The following ZC3H7B variants were observed in gnomAD, a reference collection of about 807,000 sequenced individuals.
The protein encoded by ZC3H7B is zinc finger CCCH domain-containing protein 7B.
In ZC3H7B, 35 loss-of-function variants were observed where a neutral mutation model predicts 116.0. That is an observed-to-expected ratio of 0.30 (90% CI 0.23 to 0.40). The LOEUF (loss-of-function observed/expected upper bound fraction) is 0.40, where lower values mean the gene tolerates loss of function less well. Ranked by LOEUF, ZC3H7B falls within the 10% of genes least tolerant of loss-of-function variation. ZC3H7B has a pLI of 1.00. For missense variants in ZC3H7B, 1,011 were observed against 1,321.5 expected, an observed-to-expected ratio of 0.77 and a Z score of 3.64; for synonymous variants, 502 against 545.6, an observed-to-expected ratio of 0.92 and a Z score of 1.11.
At chr22:41,339,296 CA>C in intron 9 of ZC3H7B, 105 bp downstream of exon 9, 1 of 1,365,762 alleles carries the variant, frequency 7.3e-7, no homozygotes, top group Non-Finnish European at 9.8e-7. Flanking sequence ...TCATGTGTCT[CA>C]GGAGGAGGCC....
intron 6 of ZC3H7B, among the ~76,000 whole-genome samples, chr22:41,331,566 AAAAAAAAAAGAG>A (rs976837052): frequency 4.0e-5 from 6 of 151,262 alleles, no homozygotes; most frequent in Admixed American, 1.3e-4. Context: ...AAAAAAAAAA[AAAAAAAAAAGAG>A]AGAGCAAATG....
rs1409298667 is a variant in ZC3H7B, at chr22:41,342,484, A to G, written c.1198-45A>G. The G allele has an allele frequency of 3.8e-6, 6 of 1,591,348 alleles. No homozygotes were observed. The South Asian group carries it at 4.4e-5, about 12-fold the overall frequency. On this transcript the variant is annotated intron_variant, in intron 11 of 22. Coordinates refer to ENST00000352645, the MANE Select transcript of ZC3H7B (RefSeq NM_017590.6). ...TGCCCTGGCTGGCCCCAGTGGCCTC[A>G]GCCATCATCCAGTGCCCACAATGGC...
chr22:41,341,006 C>A, intron 10 of ZC3H7B, 82 bp from the exon 11 acceptor site: 2 of 1,376,828 alleles, frequency 1.5e-6, no homozygotes, highest in Non-Finnish European at 2.0e-6. Context: ...TCCGAGTCAG[C>A]AATACATAAG....
Position 41,351,414 on chromosome 22 carries a change from CCTTGT to C in ZC3H7B, c.1949-146_1949-142del. On this transcript the variant is annotated intron_variant, in intron 16 of 22. Coordinates refer to ENST00000352645, the MANE Select transcript of ZC3H7B (RefSeq NM_017590.6). The surrounding 1 kb of genome is among the most constrained non-coding windows in gnomAD (Gnocchi z 5.1). ...ATTTTGCAGATGGACAAAGTGGTTCCCTTGTACCCCATGTCTTACTGTGGCTGGGC... is the reference window on the plus strand; with the variant it reads ...ATTTTGCAGATGGACAAAGTGGTTCCACCCCATGTCTTACTGTGGCTGGGC... 1 of 645,164 alleles carries C rather than the reference CCTTGT, an allele frequency of 1.5e-6. No homozygotes were observed. Among genetic ancestry groups the C allele is most frequent in the Non-Finnish European group, 2.7e-6 (1 of 370,262 alleles). The allele number at this position is 645,164 out of a possible 1,614,324, so 40.0% of individuals were successfully genotyped here.
At chr22:41,340,202 G>T in intron 10 of ZC3H7B, 65 bp downstream of exon 10, 2 of 1,487,044 alleles carry the variant, frequency 1.3e-6, no homozygotes, top group Non-Finnish European at 1.8e-6. Flanking sequence ...GGCCTCTTTG[G>T]TGCCTGGAGA....
At chr22:41,325,460 C>G (rs899954115) in intron 2 of ZC3H7B, 104 bp from the exon 3 acceptor site, 3 of 1,473,432 alleles carry the variant, frequency 2.0e-6, no homozygotes, top group Non-Finnish European at 1.9e-6. Context: ...TCACCCTAGT[C>G]CACAAGGTGA....
chr22:41,339,717 G>A lies in ZC3H7B; in HGVS notation c.817-99G>A, dbSNP rs183110888. 1.7e-5 allele frequency: 20 copies of A among 1,161,148 alleles called. No individual in the cohort carries two copies. In the Admixed American group the frequency reaches 1.9e-4, roughly 11 times the overall value. 71.9% of individuals were successfully genotyped at this position (1,161,148 alleles called of 1,614,324 possible). On this transcript the variant is annotated intron_variant, in intron 9 of 22. Coordinates refer to ENST00000352645, the MANE Select transcript of ZC3H7B (RefSeq NM_017590.6). ...CACATGGGACAGGATGAAGCCAGGC[G>A]ACAGGGTGCAGGTCTCCTTGCTTCC...
chr22:41,354,600 C>T (rs1022071877), intron 17 of ZC3H7B, among the ~76,000 whole-genome samples: 5 of 151,970 alleles, frequency 3.3e-5, no homozygotes, highest in African/African-American at 9.7e-5. Flanking sequence ...CCTGGGAAGA[C>T]GGGGAGGCTT....
intron 1 of ZC3H7B, among the ~76,000 whole-genome samples, chr22:41,316,835 C>T (rs889389326): frequency 6.6e-6 from 1 of 151,550 alleles, no homozygotes; most frequent in Non-Finnish European, 1.5e-5. Context: ...CCACCATGCC[C>T]AGCTAATTTT....
In ZC3H7B at chr22:41,320,055, G is replaced by C. The variant is rs1380004830; in HGVS notation, c.-6-600G>C. The stretch of plus-strand genomic sequence containing the variant: ...CAAAAAAAAAAAAAAATGGGGGGCC[G>C]GGCATAGTGACTCATGCCTGTCATC... On this transcript the variant is annotated intron_variant, in intron 1 of 22. Coordinates refer to ENST00000352645, the MANE Select transcript of ZC3H7B (RefSeq NM_017590.6). Among the ~76,000 whole-genome samples, 87 of 150,382 alleles carry C rather than the reference G, an allele frequency of 5.8e-4. No individual in the cohort carries two copies. The Admixed American group carries it at 5.8e-3, about 10-fold the overall frequency.
chr22:41,307,630 A>G (rs561144969), intron 1 of ZC3H7B, among the ~76,000 whole-genome samples: 1 of 152,346 alleles, frequency 6.6e-6, no homozygotes, highest in East Asian at 1.9e-4. Flanking sequence ...CATAACACCC[A>G]TATAACAGCA....
intron 7 of ZC3H7B, chr22:41,332,612 G>C: frequency 4.9e-6 from 1 of 204,404 alleles, no homozygotes; most frequent in Non-Finnish European, 1.0e-5. Flanking sequence ...GCCTTTCTCT[G>C]TCTTTTCGCT....
Position 41,339,879 on chromosome 22 carries a change from G to A in ZC3H7B, c.880G>A (p.Val294Met), listed in dbSNP as rs1213945184. 2 of 1,613,632 alleles carry A rather than the reference G, an allele frequency of 1.2e-6. No homozygotes were observed. Among genetic ancestry groups the A allele is most frequent in the East Asian group, 2.2e-5 (1 of 44,846 alleles). ...TAGTGAGTTGCCCCAGCTGATACCC[G>A]TGTTCCCCGGCGGGACCCCACTGCT... ...VPSELPQLIP[V>M]FPGGTPLLPP... The change falls in exon 10 of 23, where the codon GTG (valine) becomes ATG (methionine). Residue 294 changes from valine to methionine, a missense_variant. Coordinates refer to ENST00000352645, the MANE Select transcript of ZC3H7B (RefSeq NM_017590.6).
chr22:41,319,224 AC>A lies in ZC3H7B; in HGVS notation c.-6-1426del, dbSNP rs561935823. On this transcript the variant is annotated intron_variant, in intron 1 of 22. Coordinates refer to ENST00000352645, the MANE Select transcript of ZC3H7B (RefSeq NM_017590.6). ...AGACCATCCTGGCTAACACGGTGAA[AC>A]CCCCTCTCTACTAAAAATACAAAAA... 1.1e-4 allele frequency among the ~76,000 whole-genome samples: 16 copies of A among 152,064 alleles called. No individual in the cohort carries two copies. In the South Asian group the frequency reaches 2.7e-3, roughly 26 times the overall value.
Position 41,357,348 on chromosome 22 carries a change from C to A in ZC3H7B, c.2853C>A (p.Phe951Leu). Residue 951 changes from phenylalanine to leucine, a missense_variant, in exon 23 of 23, where the codon TTC becomes TTA. By Grantham distance (22) the Phe-to-Leu change is conservative. Around this residue, in one of 5 missense-constraint regions of ZC3H7B, gnomAD observed 406 missense variants for 590.2 expected, o/e 0.69. Transcript: ENST00000352645. This position sits in a 1 kb window ranked among gnomAD's most constrained non-coding sequence, Gnocchi z 5.4. ...PRDDDFGKYN[F>L]LLQEDGDLAG... ...ACGACGACTTTGGCAAATACAACTT[C>A]CTGCTGCAAGAGGACGGGGACCTTG... The A allele has an allele frequency of 6.2e-7, 1 of 1,613,660 alleles. No individual in the cohort carries two copies. The highest frequency in any genetic ancestry group is 8.5e-7 in the Non-Finnish European group (1 of 1,179,978).
At chr22:41,341,790 G>C (rs893723810) in intron 11 of ZC3H7B, among the ~76,000 whole-genome samples, 5 of 151,754 alleles carry the variant, frequency 3.3e-5, no homozygotes, top group African/African-American at 4.8e-5. Context: ...GGGGCCAGGC[G>C]TGGTGGCTCA....
chr22:41,357,516 G>T lies in ZC3H7B; in HGVS notation c.*87G>T. On this transcript the variant is annotated 3_prime_UTR_variant, in exon 23 of 23. Coordinates refer to ENST00000352645, the MANE Select transcript of ZC3H7B (RefSeq NM_017590.6). The surrounding 1 kb of genome is among the most constrained non-coding windows in gnomAD (Gnocchi z 5.4). ...TGATAGAAGGGTCAGGGCAGGCCAG[G>T]GGGGTGGGGGGCCGCCCTCATCAGG... The T allele has an allele frequency of 1.0e-6, 1 of 1,002,382 alleles. No individual in the cohort carries two copies. The allele number at this position is 1,002,382 out of a possible 1,614,324, so 62.1% of individuals were successfully genotyped here.
At chr22:41,353,753 T>G (rs953578088) in intron 17 of ZC3H7B, among the ~76,000 whole-genome samples, 1 of 152,200 alleles carries the variant, frequency 6.6e-6, no homozygotes, top group African/African-American at 2.4e-5. Flanking sequence ...GCCCACCACC[T>G]CGAGCATTCC....
chr22:41,305,235 C>G (rs534949066), intron 1 of ZC3H7B, among the ~76,000 whole-genome samples: 83 of 151,990 alleles, frequency 5.5e-4, no homozygotes, highest in African/African-American at 1.9e-3. Flanking sequence ...ATCGCAGCTA[C>G]TTGGGAGGCT....
Sources: allele counts gnomAD v4.1 joint callset (sites outside exome capture counted in the v4.1 genomes callset), GRCh38; gene constraint gnomAD v4.1.1; regional missense constraint gnomAD v4.1.1; non-coding constraint Gnocchi (gnomAD v3.1); transcripts MANE v1.5; gene names NCBI Gene and HGNC (gene_info 2026-07-23, HGNC 2026-07-21).